FAM107A: variants seen among roughly 807,000 people sequenced by gnomAD.
The protein encoded by FAM107A is actin-associated protein FAM107A.
A neutral mutation model predicts 13.7 loss-of-function variants in FAM107A; 19 were observed. The ratio of observed to expected loss-of-function variants is 1.38; its 90% CI spans 0.97 to 2.03. The LOEUF is 2.03. Ranked by LOEUF, FAM107A falls within the 30% of genes most tolerant of loss-of-function variation. The pLI is 0.00. For missense variants in FAM107A, 203 were observed against 184.4 expected (o/e 1.10, Z -0.58); for synonymous variants, 82 against 74.5 (o/e 1.10, Z -0.52).
chr3:58,568,082 G>A (rs1414805574), intron 2 of FAM107A, among the ~76,000 whole-genome samples: 1 of 151,838 alleles, frequency 6.6e-6, no homozygotes, highest in Non-Finnish European at 1.5e-5. Context: ...GATTACAGGT[G>A]TGAGCCACCA....
chr3:58,579,295 T>A (rs895227822), upstream of FAM107A, among the ~76,000 whole-genome samples: 1 of 151,070 alleles, frequency 6.6e-6, no homozygotes, highest in African/African-American at 2.4e-5. Context: ...AGGGGTGGAG[T>A]GGGAGGGACA....
At chr3:58,623,673 T>A (rs2065980541) in intron 1 of FAM107A, among the ~76,000 whole-genome samples, 1 of 152,190 alleles carries the variant, frequency 6.6e-6, no homozygotes, top group African/African-American at 2.4e-5. Context: ...GGTTTGCTGT[T>A]TGAGAGGCCA....
chr3:58,600,844 C>T (rs1253411097), intron 1 of FAM107A, among the ~76,000 whole-genome samples: 1 of 152,142 alleles, frequency 6.6e-6, no homozygotes, highest in Non-Finnish European at 1.5e-5. Context: ...GCCTCCAGCC[C>T]ACCACAAGGG....
chr3:58,591,736 C>T (rs974365973), upstream of FAM107A, among the ~76,000 whole-genome samples: 4 of 152,304 alleles, frequency 2.6e-5, no homozygotes, highest in South Asian at 6.2e-4. The surrounding 1 kb of genome is among the most constrained non-coding windows in gnomAD (Gnocchi z 4.3). Context: ...TAATACTTCC[C>T]ACCTAATTAT....
chr3:58,569,808 C>T lies in FAM107A; in HGVS notation c.53G>A (p.Arg18Gln), dbSNP rs11539089. Residue 18 changes from arginine to glutamine, a missense_variant, in exon 2 of 4, where the codon CGG (arginine) becomes CAG (glutamine). Arg to Gln is a conservative substitution (Grantham distance 43). Transcript: ENST00000360997. The surrounding 1 kb of genome is among the most constrained non-coding windows in gnomAD (Gnocchi z 5.7). The part of the protein sequence containing the change: ...ERADIGGLMA[R>Q]PEYREWNPEL... ...CGGATTCCACTCTCTGTATTCTGGC[C>T]GGGCCATCAGGCCCCCAATGTCTGC... 4.8e-5 allele frequency: 78 copies of T among 1,614,096 alleles called. No individual in the cohort carries two copies. In the South Asian group the frequency reaches 6.8e-4, roughly 14 times the overall value.
In FAM107A at chr3:58,565,790, C is replaced by T. The variant is rs2063614447; in HGVS notation, c.*798G>A. 1 of 152,220 alleles carries T rather than the reference C, an allele frequency of 6.6e-6. No homozygotes were observed. The highest frequency in any genetic ancestry group is 2.4e-5 in the African/African-American group (1 of 41,420). The allele number at this position is 152,220 out of a possible 1,614,324, so 9.4% of individuals were successfully genotyped here. A position where few individuals can be genotyped will look rare whatever the true frequency, so the allele number is the denominator to read the frequency against. On this transcript the variant is annotated 3_prime_UTR_variant, in exon 4 of 4. Coordinates refer to ENST00000360997, the MANE Select transcript of FAM107A (RefSeq NM_001076778.3). ...TGGTCCTCACACCAGCAGCCTCCGC[C>T]TTACCTGGGAGCTTGTTAGAAATGC... is the stretch of plus-strand genomic sequence containing the variant.
chr3:58,601,391 C>T (rs1012895687), intron 1 of FAM107A, among the ~76,000 whole-genome samples: 1 of 152,190 alleles, frequency 6.6e-6, no homozygotes, highest in African/African-American at 2.4e-5. Flanking sequence ...CAGATGGGCT[C>T]ACACTGAATG....
At chr3:58,586,770 C>G in intron 1 of FAM107A, 1 of 1,309,284 alleles carries the variant, frequency 7.6e-7, no homozygotes, top group Non-Finnish European at 1.0e-6. Flanking sequence ...AGGCGCCCAG[C>G]GGCGGACTGG....
At chr3:58,571,386 A>AT (rs1043974275) in intron 1 of FAM107A, among the ~76,000 whole-genome samples, 3 of 151,932 alleles carry the variant, frequency 2.0e-5, no homozygotes, top group African/African-American at 7.3e-5. Flanking sequence ...AGACATGTTA[A>AT]TTTTTTTCTC....
chr3:58,623,186 G>A (rs1282339849), intron 1 of FAM107A, among the ~76,000 whole-genome samples: 1 of 152,154 alleles, frequency 6.6e-6, no homozygotes, highest in African/African-American at 2.4e-5. Context: ...CACCCTTTCA[G>A]GCCATTCATC....
intron 1 of FAM107A, among the ~76,000 whole-genome samples, chr3:58,571,651 G>A (rs1336632221): frequency 2.0e-5 from 3 of 152,172 alleles, no homozygotes; most frequent in Non-Finnish European, 2.9e-5. Context: ...GGGTGCTTAC[G>A]TATTAGAACA....
At chr3:58,573,969 C>A (rs1424466734) in intron 1 of FAM107A, among the ~76,000 whole-genome samples, 1 of 152,220 alleles carries the variant, frequency 6.6e-6, no homozygotes, top group East Asian at 1.9e-4. Context: ...CTTGTGATAT[C>A]ATAAACGAGG....
chr3:58,626,227 C>A (rs538405194), intron 1 of FAM107A, among the ~76,000 whole-genome samples: 3 of 152,194 alleles, frequency 2.0e-5, no homozygotes, highest in Non-Finnish European at 2.9e-5. Flanking sequence ...GAGGCTGATC[C>A]AGGAGGTCTG....
chr3:58,570,580 C>G (rs2063671334), intron 1 of FAM107A, among the ~76,000 whole-genome samples: 3 of 101,572 alleles, frequency 3.0e-5, no homozygotes, highest in Non-Finnish European at 2.0e-5. Flanking sequence ...AAAGCAAATA[C>G]AGCAGAGAGA....
intron 1 of FAM107A, among the ~76,000 whole-genome samples, chr3:58,611,505 G>C (rs987012225): frequency 2.6e-5 from 4 of 152,184 alleles, no homozygotes; most frequent in Non-Finnish European, 5.9e-5. Context: ...TCTGTTTATG[G>C]GCAGGTCCCT....
intron 1 of FAM107A, chr3:58,607,576 A>C (rs964361748): frequency 6.6e-5 from 5 of 75,962 alleles, no homozygotes; most frequent in African/African-American, 2.2e-4. Flanking sequence ...ATGTGCATGT[A>C]TGTGTGTATA....
In FAM107A at chr3:58,577,055, A is replaced by G. The variant is rs2063736640; in HGVS notation, c.-6+254T>C. Among the ~76,000 whole-genome samples, 1 of 152,248 alleles carries G rather than the reference A, an allele frequency of 6.6e-6. No individual in the cohort carries two copies. Among genetic ancestry groups the G allele is most frequent in the Admixed American group, 6.5e-5 (1 of 15,284 alleles). On this transcript the variant is annotated intron_variant, in intron 1 of 3. Coordinates refer to ENST00000360997, the MANE Select transcript of FAM107A (RefSeq NM_001076778.3). The surrounding 1 kb of genome is among the most constrained non-coding windows in gnomAD (Gnocchi z 4.9). Reference sequence around the variant, plus strand: ...TCACCTGAGGATGCAGCAGAAAAAGATCAACAAGAATGCAGGGCTATGCCA... The same window carrying G: ...TCACCTGAGGATGCAGCAGAAAAAGGTCAACAAGAATGCAGGGCTATGCCA...
chr3:58,596,035 C>T (rs943594328), intron 1 of FAM107A, among the ~76,000 whole-genome samples: 1 of 152,212 alleles, frequency 6.6e-6, no homozygotes, highest in Admixed American at 6.5e-5. Context: ...AGAGGAAATA[C>T]TATTGTGTAA....
intron 1 of FAM107A, among the ~76,000 whole-genome samples, chr3:58,621,822 C>T (rs1321725278): frequency 6.6e-6 from 1 of 152,154 alleles, no homozygotes; most frequent in East Asian, 1.9e-4. Flanking sequence ...ATGCAATGTG[C>T]CTGGCCTGCC....
Sources: allele counts gnomAD v4.1 joint callset (sites outside exome capture counted in the v4.1 genomes callset), GRCh38; gene constraint gnomAD v4.1.1; non-coding constraint Gnocchi (gnomAD v3.1); transcripts MANE v1.5; gene names NCBI Gene and HGNC (gene_info 2026-07-23, HGNC 2026-07-21).